ANKRD2: variants seen among roughly 807,000 people sequenced by gnomAD.
ANKRD2 encodes the protein ankyrin repeat domain 2.
In ANKRD2, 35 loss-of-function variants were observed where a neutral mutation model predicts 37.3. The observed-to-expected ratio is 0.94, with a 90% confidence interval of 0.72 to 1.24. ANKRD2 has a LOEUF of 1.24. ANKRD2 is among the 50% of genes most tolerant of loss of function. The pLI is 0.00. For synonymous variants in ANKRD2, 159 were observed against 186.5 expected (o/e 0.85, Z 1.20); for missense variants, 410 against 445.6 (o/e 0.92, Z 0.72).
intron 2 of ANKRD2, 152 bp from the exon 3 acceptor site, chr10:97,578,088 C>T (rs2040847650): frequency 3.5e-6 from 4 of 1,127,904 alleles, no homozygotes; most frequent in Non-Finnish European, 4.9e-6. Context: ...TGAGAGCCAT[C>T]TAGGCCTGGA....
rs2135702320 is a variant in ANKRD2 at position 97,578,299 on chromosome 10, C to A, written c.249C>A (p.Gly83=). The A allele has an allele frequency of 6.2e-7, 1 of 1,613,058 alleles. No individual in the cohort carries two copies. The highest frequency in any genetic ancestry group is 2.2e-5 in the East Asian group (1 of 44,842). ...LDLRREIIDV[G]GIQNLIELRK... is the part of the protein sequence containing the mutation. Reference sequence around the variant, plus strand: ...TGCGGCGGGAGATCATCGATGTGGGCGGGATCCAGAACCTCATCGAGCTGC... The same window carrying A: ...TGCGGCGGGAGATCATCGATGTGGGAGGGATCCAGAACCTCATCGAGCTGC... Residue 83 remains glycine, a synonymous_variant, in exon 3 of 9, where the codon GGC becomes GGA. Transcript: ENST00000370655.
intron 4 of ANKRD2, among the ~76,000 whole-genome samples, chr10:97,580,056 C>T (rs1288704360): frequency 3.3e-5 from 5 of 152,208 alleles, no homozygotes; most frequent in Non-Finnish European, 4.4e-5. Flanking sequence ...TTATTGTAGA[C>T]TTGGACCACA....
At position 97,580,853 on chromosome 10, in the gene ANKRD2, A is replaced by T. The variant is rs890586878; in HGVS notation, c.457-2A>T. 1 of 1,609,180 alleles carries T rather than the reference A, an allele frequency of 6.2e-7. No individual in the cohort carries two copies. The highest frequency in any genetic ancestry group is 1.3e-5 in the African/African-American group (1 of 74,850). On this transcript the variant is annotated splice_acceptor_variant, in intron 4 of 8. Transcript: ENST00000370655. LOFTEE classifies it high-confidence loss of function. ...AGGCCCTGACAGCCTCTCTGGGGAC[A>T]GTTCCGTCGGACAGCACTGCACCGA...
chr10:97,572,879 C>T lies in ANKRD2; in HGVS notation c.87+4C>T, dbSNP rs185141703. On this transcript the variant is annotated splice_donor_region_variant and intron_variant, in intron 1 of 8. Transcript: ENST00000370655. ...GGCACAGGAGGAGGAGAATGAGGTGCGAGCAGGGGTGGAGGTGCCCAAGGG... is the reference window on the plus strand; with the variant it reads ...GGCACAGGAGGAGGAGAATGAGGTGTGAGCAGGGGTGGAGGTGCCCAAGGG... 1.7e-5 allele frequency: 26 copies of T among 1,550,766 alleles called. No individual in the cohort carries two copies. Among genetic ancestry groups the T allele is most frequent in the Admixed American group, 1.2e-4 (6 of 50,978 alleles).
At chr10:97,576,994 G>C (rs1403476575) in intron 1 of ANKRD2, among the ~76,000 whole-genome samples, 1 of 151,082 alleles carries the variant, frequency 6.6e-6, no homozygotes, top group African/African-American at 2.4e-5. Flanking sequence ...CACTGTACCT[G>C]GCCTATTTAT....
rs746240250 is a variant in ANKRD2 at position 97,578,253 on chromosome 10, T to A, written c.203T>A (p.Val68Glu). The A allele has an allele frequency of 3.1e-6, 5 of 1,599,140 alleles. No individual in the cohort carries two copies. The highest frequency in any genetic ancestry group is 4.3e-6 in the Non-Finnish European group (5 of 1,171,846). ...ALQKVKGQERVRKTSLDLRRE... is the reference protein window; with the variant it reads ...ALQKVKGQERERKTSLDLRRE... ...CATCCCGCGCAGGGCCAAGAGCGCG[T>A]GCGCAAGACGTCCCTGGACCTGCGG... The change falls in exon 3 of 9, where the codon GTG (valine) becomes GAG (glutamate). Residue 68 changes from valine (V) to glutamate (E), a missense_variant. By Grantham distance (121) the Val-to-Glu change is moderately radical (BLOSUM62 -2). Coordinates refer to ENST00000370655, the MANE Select transcript of ANKRD2 (RefSeq NM_001346793.2).
At chr10:97,578,702 G>C (rs2040861204) in intron 4 of ANKRD2, 97 bp downstream of exon 4, 2 of 964,752 alleles carry the variant, frequency 2.1e-6, no homozygotes, top group Non-Finnish European at 3.1e-6. Context: ...TATTTGAGAG[G>C]AGGCACCGGT....
At chr10:97,578,950 G>A (rs978166365) in intron 4 of ANKRD2, among the ~76,000 whole-genome samples, 2 of 152,100 alleles carry the variant, frequency 1.3e-5, no homozygotes, top group Admixed American at 6.6e-5. Context: ...TGGCTGGGTC[G>A]GTGCCCTCTC....
At chr10:97,579,972 C>T (rs113615263) in intron 4 of ANKRD2, among the ~76,000 whole-genome samples, 43 of 152,302 alleles carry the variant, frequency 2.8e-4, no homozygotes, top group African/African-American at 9.9e-4. Context: ...GCCTCTTTCA[C>T]ACTTCCCGGG....
intron 4 of ANKRD2, among the ~76,000 whole-genome samples, chr10:97,579,590 C>A (rs1267219113): frequency 6.9e-6 from 1 of 145,828 alleles, no homozygotes; most frequent in East Asian, 2.0e-4. Flanking sequence ...CTTTTTTTTT[C>A]TTTTTCTTTT....
chr10:97,575,685 G>A (rs1188109773), intron 1 of ANKRD2, among the ~76,000 whole-genome samples: 3 of 152,340 alleles, frequency 2.0e-5, no homozygotes, highest in South Asian at 2.1e-4. Flanking sequence ...CAAGGTGGGC[G>A]GATTGCCTGA....
chr10:97,572,610 G>T (rs2135695065), upstream of ANKRD2: 2 of 1,425,806 alleles, frequency 1.4e-6, no homozygotes, highest in East Asian at 2.5e-5. Context: ...GGGGCAACTG[G>T]CTCTGCTCCC....
intron 1 of ANKRD2, 110 bp from the exon 2 acceptor site, chr10:97,577,690 G>A: frequency 1.1e-6 from 1 of 882,500 alleles, no homozygotes. Context: ...AGCCAGAAGG[G>A]CTCTGAGACC....
In ANKRD2 at chr10:97,578,598, G is replaced by T; in HGVS notation, c.449G>T (p.Cys150Phe). Residue 150 changes from cysteine (C) to phenylalanine (F), a missense_variant, in exon 4 of 9, where the codon TGC (cysteine) becomes TTC (phenylalanine). Physicochemically the swap from Cys to Phe is radical, Grantham distance 205 (BLOSUM62 -2). Coordinates refer to ENST00000370655, the MANE Select transcript of ANKRD2 (RefSeq NM_001346793.2). Reference protein sequence around the residue: ...FLADGGSADTCDQFRRTALHR... With the variant: ...FLADGGSADTFDQFRRTALHR... Reference sequence around the variant, plus strand: ...GCTGACGGGGGGTCAGCCGACACGTGCGACCAGGTGATGCTCCTAGCCGCC... The same window carrying T: ...GCTGACGGGGGGTCAGCCGACACGTTCGACCAGGTGATGCTCCTAGCCGCC... The T allele has an allele frequency of 6.4e-7, 1 of 1,555,246 alleles. No homozygotes were observed. The highest frequency in any genetic ancestry group is 1.2e-5 in the South Asian group (1 of 84,216).
At chr10:97,582,757 G>C in intron 8 of ANKRD2, 55 bp downstream of exon 8, 1 of 1,540,094 alleles carries the variant, frequency 6.5e-7, no homozygotes, top group Non-Finnish European at 9.0e-7. Flanking sequence ...ATACAGTGGA[G>C]GTGCTGTCCT....
At chr10:97,573,430 C>T (rs2040784712) in intron 1 of ANKRD2, among the ~76,000 whole-genome samples, 1 of 151,798 alleles carries the variant, frequency 6.6e-6, no homozygotes, top group Non-Finnish European at 1.5e-5. Flanking sequence ...TTGTCCTATT[C>T]TGCATTTTTT....
chr10:97,580,754 T>G, intron 4 of ANKRD2, 101 bp from the exon 5 acceptor site: 1 of 818,666 alleles, frequency 1.2e-6, no homozygotes, highest in Non-Finnish European at 1.9e-6. Flanking sequence ...AGCACAGGGG[T>G]GAGAATCAAG....
In ANKRD2 at chr10:97,582,602, A is replaced by T; in HGVS notation, c.754-2A>T. The T allele has an allele frequency of 6.2e-7, 1 of 1,613,768 alleles. No individual in the cohort carries two copies. On this transcript the variant is annotated splice_acceptor_variant, in intron 7 of 8. Transcript: ENST00000370655. LOFTEE classifies it high-confidence loss of function. ...CCATAGTGAGTGCCACACTGACTCT[A>T]GGAAGGGGATACTGCCCTGCATGAC...
chr10:97,581,065 C>G (rs980662424), intron 5 of ANKRD2, 112 bp downstream of exon 5: 2 of 975,094 alleles, frequency 2.1e-6, no homozygotes, highest in African/African-American at 1.6e-5. Context: ...TGCTCAGGTG[C>G]CAGACTCCAC....
Sources: gnomAD v4.1 joint callset for allele counts (sites outside exome capture counted in the v4.1 genomes callset) on GRCh38, gnomAD v4.1.1 for gene constraint, MANE v1.5 for transcripts, NCBI Gene and HGNC (gene_info 2026-07-23, HGNC 2026-07-21) for gene names.